Variants in MAD1L1 observed in about 807,000 individuals in gnomAD.
The protein encoded by MAD1L1 is mitotic arrest deficient 1 like 1, also known as mitotic spindle assembly checkpoint protein MAD1.
In MAD1L1, 95 loss-of-function variants were observed where a neutral mutation model predicts 96.9. The ratio of observed to expected loss-of-function variants is 0.98; its 90% CI spans 0.83 to 1.16. MAD1L1 has a LOEUF of 1.16. Among genes scored for constraint, MAD1L1 ranks in the 50% most tolerant of loss-of-function variants. The pLI, the probability that MAD1L1 is intolerant of heterozygous loss-of-function variation, is 0.00. For missense variants in MAD1L1, 1,007 were observed against 954.4 expected, an observed-to-expected ratio of 1.06 and a Z score of -0.73; for synonymous variants, 473 against 396.6, an observed-to-expected ratio of 1.19 and a Z score of -2.29.
chr7:1,964,408 C>G (rs997257044), intron 15 of MAD1L1, among the ~76,000 whole-genome samples: 1 of 152,256 alleles, frequency 6.6e-6, no homozygotes, highest in African/African-American at 2.4e-5. Flanking sequence ...CGCCGCCAGA[C>G]AGCAAGCCCA....
chr7:1,884,699 C>T (rs1489288400), intron 18 of MAD1L1, among the ~76,000 whole-genome samples: 2 of 152,182 alleles, frequency 1.3e-5, no homozygotes, highest in Non-Finnish European at 2.9e-5. Context: ...GAGGAGAACC[C>T]CTGGTCCCAC....
chr7:2,067,608 G>A (rs956274670), intron 12 of MAD1L1, among the ~76,000 whole-genome samples: 2 of 152,090 alleles, frequency 1.3e-5, no homozygotes, highest in Non-Finnish European at 2.9e-5. Flanking sequence ...CCAAACCCCC[G>A]CAGTGGTCAG....
chr7:1,879,972 C>T (rs913406070), intron 18 of MAD1L1, among the ~76,000 whole-genome samples: 14 of 152,220 alleles, frequency 9.2e-5, no homozygotes, highest in African/African-American at 3.1e-4. Context: ...CCTGGTGATC[C>T]GCCCACCTCG....
intron 18 of MAD1L1, among the ~76,000 whole-genome samples, chr7:1,887,357 ATG>A (rs1277431112): frequency 4.7e-5 from 7 of 147,762 alleles, no homozygotes; most frequent in Admixed American, 3.4e-4. Context: ...GTGAGCATGC[ATG>A]TGTGTGGGTG....
At chr7:2,205,316 G>T (rs1792542939) in intron 10 of MAD1L1, among the ~76,000 whole-genome samples, 2 of 152,166 alleles carry the variant, frequency 1.3e-5, no homozygotes, top group South Asian at 4.1e-4. Context: ...CTGCTACCCG[G>T]AGTCACGTAA....
intron 10 of MAD1L1, among the ~76,000 whole-genome samples, chr7:2,155,654 G>GAGTA (rs1789796946): frequency 6.6e-6 from 1 of 152,156 alleles, no homozygotes; most frequent in Non-Finnish European, 1.5e-5. Flanking sequence ...CCTTTTGAAG[G>GAGTA]CTGAGTAATA....
chr7:2,010,967 C>A (rs1291070826), intron 13 of MAD1L1, among the ~76,000 whole-genome samples: 1 of 151,968 alleles, frequency 6.6e-6, no homozygotes, highest in Admixed American at 6.5e-5. Flanking sequence ...ATCAGACATG[C>A]GTGCAGAGGA....
intron 11 of MAD1L1, among the ~76,000 whole-genome samples, chr7:2,130,039 G>A (rs144466682): frequency 6.6e-6 from 1 of 152,388 alleles, no homozygotes; most frequent in East Asian, 1.9e-4. Flanking sequence ...CAGGCAGACA[G>A]ACTCCAGCAC....
At chr7:2,033,298 C>G (rs1341603225) in intron 12 of MAD1L1, among the ~76,000 whole-genome samples, 2 of 152,180 alleles carry the variant, frequency 1.3e-5, no homozygotes, top group African/African-American at 4.8e-5. Flanking sequence ...GCCCAGATGA[C>G]CCGGTCACCC....
chr7:2,194,445 T>C (rs1203018476), intron 10 of MAD1L1, among the ~76,000 whole-genome samples: 2 of 152,182 alleles, frequency 1.3e-5, no homozygotes, highest in African/African-American at 4.8e-5. Flanking sequence ...CTAAAATCAG[T>C]GACAGTCCTG....
chr7:2,188,915 A>C (rs1229769289), intron 10 of MAD1L1, among the ~76,000 whole-genome samples: 1 of 152,222 alleles, frequency 6.6e-6, no homozygotes, highest in Non-Finnish European at 1.5e-5. Context: ...GAATGGGAGA[A>C]AATGTTTGGA....
intron 10 of MAD1L1, among the ~76,000 whole-genome samples, chr7:2,181,690 A>G (rs373017757): frequency 1.3e-5 from 2 of 152,352 alleles, no homozygotes; most frequent in East Asian, 3.9e-4. Flanking sequence ...ACAGAGGAAA[A>G]GAAGTCATTC....
At chr7:2,220,072 C>G (rs1317024299) in intron 5 of MAD1L1, among the ~76,000 whole-genome samples, 1 of 152,216 alleles carries the variant, frequency 6.6e-6, no homozygotes, top group Non-Finnish European at 1.5e-5. Context: ...CCCTAGCCAC[C>G]CCAATGCTAC....
intron 18 of MAD1L1, among the ~76,000 whole-genome samples, chr7:1,863,535 C>G (rs1478278028): frequency 6.6e-6 from 1 of 152,240 alleles, no homozygotes; most frequent in East Asian, 1.9e-4. Flanking sequence ...GGAGCCAGTA[C>G]TGAGGCTGAC....
In MAD1L1 at chr7:1,983,116, GCA is replaced by G. The variant is rs1189698679; in HGVS notation, c.1417-2577_1417-2576del. Among the ~76,000 whole-genome samples the G allele has an allele frequency of 1.0e-4, 15 of 149,962 alleles. No homozygotes were observed. The East Asian group carries it at 2.0e-3, about 20-fold the overall frequency. ...TGCACACACACACACGTGCACACAC[GCA>G]CACACACCCACAGACGCGCGCGCGC... On this transcript the variant is annotated intron_variant, in intron 14 of 18. Coordinates refer to ENST00000265854, the MANE Select transcript of MAD1L1 (RefSeq NM_001013836.2).
chr7:2,043,824 A>G (rs1282940421), intron 12 of MAD1L1, among the ~76,000 whole-genome samples: 3 of 152,184 alleles, frequency 2.0e-5, no homozygotes, highest in Admixed American at 1.3e-4. Context: ...ACTGCCCAAC[A>G]TAGACATAAG....
intron 13 of MAD1L1, among the ~76,000 whole-genome samples, chr7:2,004,372 C>T (rs1203236491): frequency 6.6e-6 from 1 of 152,248 alleles, no homozygotes; most frequent in East Asian, 1.9e-4. Flanking sequence ...GGCACACAGG[C>T]GGCTGGCACG....
intron 11 of MAD1L1, among the ~76,000 whole-genome samples, chr7:2,070,041 T>G (rs1210686340): frequency 6.6e-6 from 1 of 152,204 alleles, no homozygotes; most frequent in Admixed American, 6.5e-5. Flanking sequence ...CCAAGCTGTC[T>G]CCTCAGACAG....
chr7:2,113,718 C>T (rs541858780), intron 11 of MAD1L1, among the ~76,000 whole-genome samples: 1 of 152,224 alleles, frequency 6.6e-6, no homozygotes, highest in Non-Finnish European at 1.5e-5. Context: ...ACACCCGCAA[C>T]AGAACATGGT....
Sources: allele counts gnomAD v4.1 joint callset (sites outside exome capture counted in the v4.1 genomes callset), GRCh38; gene constraint gnomAD v4.1.1; transcripts MANE v1.5; gene names NCBI Gene and HGNC (gene_info 2026-07-23, HGNC 2026-07-21).